Variants in ROBO1 observed in about 807,000 individuals in gnomAD.
ROBO1 encodes the protein roundabout guidance receptor 1, also known as roundabout homolog 1.
Under a neutral mutation model 195.9 loss-of-function variants are expected in ROBO1, and 149 were observed. The ratio of observed to expected loss-of-function variants is 0.76; its 90% CI spans 0.67 to 0.87. The LOEUF is 0.87. Ranked by LOEUF, ROBO1 falls within the 40% of genes least tolerant of loss-of-function variation. ROBO1 has a pLI of 0.00. For synonymous variants in ROBO1, 816 were observed against 733.2 expected (o/e 1.11, Z -1.82); for missense variants, 1,933 against 2,068.3 (o/e 0.93, Z 1.27).
intron 8 of ROBO1, among the ~76,000 whole-genome samples, chr3:78,708,060 T>A (rs895830234): frequency 6.6e-6 from 1 of 152,132 alleles, no homozygotes; most frequent in Non-Finnish European, 1.5e-5. Flanking sequence ...CAAATTTACT[T>A]TGGAAATGAA....
intron 2 of ROBO1, among the ~76,000 whole-genome samples, chr3:79,214,335 T>C (rs1346925299): frequency 1.9e-4 from 29 of 152,104 alleles, no homozygotes; most frequent in Non-Finnish European, 1.5e-5. Context: ...ATTCCCAATA[T>C]AGGTGTTTTT....
At chr3:79,578,790 C>T (rs1159881083) in intron 2 of ROBO1, among the ~76,000 whole-genome samples, 2 of 152,074 alleles carry the variant, frequency 1.3e-5, no homozygotes, top group African/African-American at 4.8e-5. Flanking sequence ...GTTTCTGAAC[C>T]TGAGAAAGAC....
intron 2 of ROBO1, among the ~76,000 whole-genome samples, chr3:79,398,979 T>A (rs1434418813): frequency 6.6e-6 from 1 of 151,590 alleles, no homozygotes; most frequent in Non-Finnish European, 1.5e-5. Context: ...CATAAGAGAG[T>A]GAATGCCTGT....
chr3:79,093,619 T>A (rs2079516927), intron 3 of ROBO1, among the ~76,000 whole-genome samples: 1 of 152,106 alleles, frequency 6.6e-6, no homozygotes, highest in African/African-American at 2.4e-5. Flanking sequence ...ATGCCCTTAA[T>A]ATATCATTGT....
chr3:79,281,693 T>C (rs543865114), intron 2 of ROBO1, among the ~76,000 whole-genome samples: 39 of 152,296 alleles, frequency 2.6e-4, no homozygotes, highest in African/African-American at 8.7e-4. Context: ...TAATGACAAC[T>C]GGATTTATTC....
chr3:78,901,154 C>G (rs992925819), intron 4 of ROBO1, among the ~76,000 whole-genome samples: 3 of 152,184 alleles, frequency 2.0e-5, no homozygotes, highest in Non-Finnish European at 4.4e-5. Context: ...CTTGAAGTAA[C>G]TAGGATATAT....
chr3:79,143,154 A>G (rs1441461332), intron 2 of ROBO1, among the ~76,000 whole-genome samples: 1 of 152,146 alleles, frequency 6.6e-6, no homozygotes, highest in Non-Finnish European at 1.5e-5. Context: ...ATTATCTGGA[A>G]TAAGACTAAA....
intron 3 of ROBO1, among the ~76,000 whole-genome samples, chr3:79,116,387 CTCCTTCCTTCCTTGCT>C (rs768779470): frequency 2.4e-4 from 34 of 139,370 alleles, no homozygotes; most frequent in Non-Finnish European, 4.2e-4. Context: ...TTCTTTCTCT[CTCCTTCCTTCCTTGCT>C]TCCTTCCTTC....
At chr3:78,965,997 C>A (rs2076634412) in intron 3 of ROBO1, among the ~76,000 whole-genome samples, 1 of 152,168 alleles carries the variant, frequency 6.6e-6, no homozygotes, top group South Asian at 2.1e-4. Flanking sequence ...GACCAGGGGT[C>A]CCCAATCCCC....
chr3:79,601,710 A>G (rs1358096416), intron 1 of ROBO1, among the ~76,000 whole-genome samples: 1 of 152,012 alleles, frequency 6.6e-6, no homozygotes, highest in Non-Finnish European at 1.5e-5. Context: ...TGGTAGATTA[A>G]AAAATAGAGA....
At chr3:79,527,421 C>T (rs1321393647) in intron 2 of ROBO1, among the ~76,000 whole-genome samples, 1 of 151,904 alleles carries the variant, frequency 6.6e-6, no homozygotes, top group African/African-American at 2.4e-5. Context: ...TTTAAAAATC[C>T]TGCACATGTA....
chr3:78,810,716 G>A (rs1165364840), intron 4 of ROBO1, among the ~76,000 whole-genome samples: 1 of 151,236 alleles, frequency 6.6e-6, no homozygotes, highest in African/African-American at 2.4e-5. Context: ...CACTATCCTA[G>A]TCAATTCACT....
At chr3:78,932,995 T>C (rs1189150569) in intron 4 of ROBO1, among the ~76,000 whole-genome samples, 5 of 152,138 alleles carry the variant, frequency 3.3e-5, no homozygotes, top group Admixed American at 3.3e-4. Flanking sequence ...AAGATCTTTC[T>C]AGAAAGTTGC....
intron 1 of ROBO1, among the ~76,000 whole-genome samples, chr3:79,724,404 A>T (rs565473750): frequency 6.6e-6 from 1 of 152,226 alleles, no homozygotes; most frequent in South Asian, 2.1e-4. Context: ...AGCCTTGCAT[A>T]CTTCTCTCTT....
At chr3:79,209,463 GT>G (rs147100356) in intron 2 of ROBO1, among the ~76,000 whole-genome samples, 2 of 151,728 alleles carry the variant, frequency 1.3e-5, no homozygotes, top group Admixed American at 6.6e-5. Context: ...ATGTGCAAGT[GT>G]TTTTTTTATT....
intron 3 of ROBO1, among the ~76,000 whole-genome samples, chr3:78,972,657 T>C (rs2076794506): frequency 2.6e-5 from 4 of 152,150 alleles, no homozygotes. Context: ...AAGGGACAAA[T>C]AGAAATTTTC....
At chr3:79,308,401 T>A (rs932445026) in intron 2 of ROBO1, among the ~76,000 whole-genome samples, 3 of 152,208 alleles carry the variant, frequency 2.0e-5, no homozygotes, top group African/African-American at 7.2e-5. Context: ...CATTTTAGTC[T>A]ATAAAACTAA....
intron 2 of ROBO1, among the ~76,000 whole-genome samples, chr3:79,490,932 T>C (rs1412376755): frequency 6.6e-6 from 1 of 152,128 alleles, no homozygotes; most frequent in Non-Finnish European, 1.5e-5. Flanking sequence ...CTCCCAGTCC[T>C]CTTCCCTCCC....
In ROBO1 at chr3:79,012,778, G is replaced by T. The variant is rs539034278; in HGVS notation, c.173-73851C>A. ...CTTTCGGTGTTAGAAATAGCCTTTT[G>T]GATGGTTAAAAAAGAGAGAGGAAAA... On this transcript the variant is annotated intron_variant, in intron 3 of 30. Coordinates refer to ENST00000464233, the MANE Select transcript of ROBO1 (RefSeq NM_002941.4). Among the ~76,000 whole-genome samples, 7 of 152,168 alleles carry T rather than the reference G, an allele frequency of 4.6e-5. No individual in the cohort carries two copies. The East Asian group carries it at 1.4e-3, about 29-fold the overall frequency.
Sources: allele counts gnomAD v4.1 joint callset (sites outside exome capture counted in the v4.1 genomes callset), GRCh38; gene constraint gnomAD v4.1.1; transcripts MANE v1.5; gene names NCBI Gene and HGNC (gene_info 2026-07-23, HGNC 2026-07-21).